ZYG11B: variants seen among roughly 807,000 people sequenced by gnomAD.
ZYG11B encodes protein zyg-11 homolog B.
In ZYG11B, 36 loss-of-function variants were observed where a neutral mutation model predicts 82.4. The observed-to-expected ratio is 0.44, with a 90% CI of 0.33 to 0.58. The LOEUF (loss-of-function observed/expected upper bound fraction) is 0.58. Ranked by LOEUF, ZYG11B falls within the 20% of genes least tolerant of loss-of-function variation. The pLI is 0.02. For synonymous variants in ZYG11B, 303 were observed against 312.8 expected (o/e 0.97, Z 0.33); for missense variants, 552 against 895.6 (o/e 0.62, Z 4.90).
intron 3 of ZYG11B, among the ~76,000 whole-genome samples, 196 bp from the exon 4 acceptor site, chr1:52,779,657 A>C (rs1644838894): frequency 6.6e-6 from 1 of 152,042 alleles, no homozygotes; most frequent in African/African-American, 2.4e-5. Flanking sequence ...TGCTTGGCTA[A>C]TTTTTTATTT....
chr1:52,783,815 C>CACACACACAT (rs1644878995), intron 4 of ZYG11B, among the ~76,000 whole-genome samples: 1 of 105,604 alleles, frequency 9.5e-6, no homozygotes, highest in African/African-American at 6.2e-5. Flanking sequence ...TACACACACA[C>CACACACACAT]GTATATGTAT....
intron 3 of ZYG11B, chr1:52,772,285 A>T (rs1644759557): frequency 1.5e-6 from 2 of 1,337,594 alleles, no homozygotes; most frequent in South Asian, 2.3e-5. Flanking sequence ...CAAACGGTGA[A>T]TCTGGCTCTC....
At chr1:52,756,719 A>G (rs545810801) in intron 2 of ZYG11B, 96 bp downstream of exon 2, 2 of 1,273,852 alleles carry the variant, frequency 1.6e-6, no homozygotes, top group East Asian at 2.5e-5. Context: ...TCTTAGAAAT[A>G]ACTGAGAAGG....
chr1:52,796,916 T>TATTATATATAATATATAATTATAC (rs1645013766), intron 8 of ZYG11B, 132 bp downstream of exon 8: 1 of 112,448 alleles, frequency 8.9e-6, no homozygotes, highest in Non-Finnish European at 1.7e-5. Flanking sequence ...ATATATTATA[T>TATTATATATAATATATAATTATAC]ATTATATATA....
chr1:52,818,301 A>G lies in ZYG11B; in HGVS notation c.2044+1672A>G, dbSNP rs1645252564. On this transcript the variant is annotated intron_variant, in intron 13 of 13. Coordinates refer to ENST00000294353, the MANE Select transcript of ZYG11B (RefSeq NM_024646.3). ...CAGCCTGGGCAACATGGCGAAACCT[A>G]GTTTCTATAAAAGATGTAAAAGAAA... Among the ~76,000 whole-genome samples, 2 of 151,910 alleles carry G rather than the reference A, an allele frequency of 1.3e-5. 1 individual carries two copies. The highest frequency in any genetic ancestry group is 4.1e-4 in the South Asian group (2 of 4,828).
chr1:52,751,356 G>A (rs61768342), intron 1 of ZYG11B, among the ~76,000 whole-genome samples: 73,404 of 148,766 alleles, frequency 0.49, 18,442 homozygotes, highest in East Asian at 0.63. Context: ...AATAGCCAGC[G>A]CGGTGGCTCA....
At position 52,827,333 on chromosome 1, in the gene ZYG11B, T is replaced by C. The variant is rs2149972678; in HGVS notation, c.*5704T>C. On this transcript the variant is annotated 3_prime_UTR_variant, in exon 14 of 14. Transcript: ENST00000294353. ...TTTTGCCTAAATAAATGTTATAAAT[T>C]TTATGTAAAGTGTGTCTTGTCTACT... 1 of 152,324 alleles carries C rather than the reference T, an allele frequency of 6.6e-6. No homozygotes were observed. The highest frequency in any genetic ancestry group is 2.1e-4 in the South Asian group (1 of 4,826). The allele number at this position is 152,324 out of a possible 1,614,324, so 9.4% of individuals were successfully genotyped here.
At chr1:52,752,217 C>T (rs1401020632) in intron 1 of ZYG11B, among the ~76,000 whole-genome samples, 2 of 151,978 alleles carry the variant, frequency 1.3e-5, no homozygotes, top group Non-Finnish European at 2.9e-5. Flanking sequence ...GATAATTTGC[C>T]AGAGTGCTCA....
intron 2 of ZYG11B, among the ~76,000 whole-genome samples, chr1:52,769,507 C>G (rs1444037889): frequency 6.6e-6 from 1 of 152,158 alleles, no homozygotes; most frequent in African/African-American, 2.4e-5. Flanking sequence ...TTTGTACCAC[C>G]TGCTTTCCAA....
chr1:52,783,882 A>ACATACACGTGTGTGTG lies in ZYG11B; in HGVS notation c.1093-995_1093-994insCATACACGTGTGTGTG, dbSNP rs1553260823. Among the ~76,000 whole-genome samples, 78 of 126,042 alleles carry ACATACACGTGTGTGTG rather than the reference A, an allele frequency of 6.2e-4. 2 individuals are homozygous for ACATACACGTGTGTGTG. Among genetic ancestry groups the ACATACACGTGTGTGTG allele is most frequent in the Middle Eastern group, 4.3e-3 (1 of 230 alleles). The allele number at this position is 126,042 out of a possible 152,430, so 82.7% of individuals were successfully genotyped here. Reference sequence around the variant, plus strand: ...TGTGTATGTACATACACGTGTGTGTATATGTACATACACGTGTGTGTATAT... The same window carrying ACATACACGTGTGTGTG: ...TGTGTATGTACATACACGTGTGTGTACATACACGTGTGTGTGTATGTACATACACGTGTGTGTATAT... On this transcript the variant is annotated intron_variant, in intron 4 of 13. Transcript: ENST00000294353.
rs539900345 is a variant in ZYG11B at position 52,753,500 on chromosome 1, A to G, written c.31-2958A>G. Among the ~76,000 whole-genome samples the G allele has an allele frequency of 2.4e-3, 369 of 151,498 alleles. 3 individuals carry two copies. The highest frequency in any genetic ancestry group is 8.5e-3 in the African/African-American group (353 of 41,288). On this transcript the variant is annotated intron_variant, in intron 1 of 13. Coordinates refer to ENST00000294353, the MANE Select transcript of ZYG11B (RefSeq NM_024646.3). Reference sequence around the variant, plus strand: ...AATGGCGTGATCTTGGCTTATTGCAATCTCCACCTCCCAGGTTCAAGCAAT... The same window carrying G: ...AATGGCGTGATCTTGGCTTATTGCAGTCTCCACCTCCCAGGTTCAAGCAAT...
intron 1 of ZYG11B, among the ~76,000 whole-genome samples, chr1:52,746,114 C>T (rs572453367): frequency 2.0e-5 from 3 of 152,024 alleles, no homozygotes; most frequent in Non-Finnish European, 4.4e-5. Flanking sequence ...CGTGCCACCA[C>T]GCCCAGCTAA....
chr1:52,729,613 G>A (rs2149915685), intron 1 of ZYG11B, among the ~76,000 whole-genome samples: 1 of 152,274 alleles, frequency 6.6e-6, no homozygotes, highest in East Asian at 1.9e-4. Context: ...TTGAATAGTT[G>A]AGATGTTTAA....
At chr1:52,779,068 A>T (rs1360944006) in intron 3 of ZYG11B, among the ~76,000 whole-genome samples, 1 of 152,204 alleles carries the variant, frequency 6.6e-6, no homozygotes, top group African/African-American at 2.4e-5. Flanking sequence ...AAGTGTCCTT[A>T]ACTTGAATAA....
intron 2 of ZYG11B, among the ~76,000 whole-genome samples, chr1:52,767,587 G>T (rs543085624): frequency 1.3e-5 from 2 of 152,288 alleles, no homozygotes; most frequent in Admixed American, 6.5e-5. Context: ...ACAGGTGTGA[G>T]CCACTATGCC....
At position 52,783,873 on chromosome 1, in the gene ZYG11B, C is replaced by CGT. The variant is rs1361010950; in HGVS notation, c.1093-997_1093-996dup. Among the ~76,000 whole-genome samples, 168 of 99,798 alleles carry CGT rather than the reference C, an allele frequency of 1.7e-3. 6 individuals are homozygous for CGT. The highest frequency in any genetic ancestry group is 3.5e-3 in the East Asian group (9 of 2,556). 65.5% of individuals were successfully genotyped at this position (99,798 alleles called of 152,430 possible). On this transcript the variant is annotated intron_variant, in intron 4 of 13. Coordinates refer to ENST00000294353, the MANE Select transcript of ZYG11B (RefSeq NM_024646.3). ...ACACGTGTGTGTGTATGTACATACACGTGTGTGTATATGTACATACACGTG... is the reference window on the plus strand; with the variant it reads ...ACACGTGTGTGTGTATGTACATACACGTGTGTGTGTATATGTACATACACGTG...
intron 4 of ZYG11B, among the ~76,000 whole-genome samples, chr1:52,783,981 C>T (rs1235399247): frequency 4.2e-5 from 2 of 47,774 alleles, no homozygotes; most frequent in Non-Finnish European, 6.9e-5. Flanking sequence ...TACACACACA[C>T]ACACATATAT....
At chr1:52,803,329 T>G (rs2149960574) in intron 10 of ZYG11B, among the ~76,000 whole-genome samples, 1 of 135,546 alleles carries the variant, frequency 7.4e-6, no homozygotes, top group African/African-American at 2.7e-5. Flanking sequence ...CCCATCTACT[T>G]GGGAGGCTGA....
At position 52,734,643 on chromosome 1, in the gene ZYG11B, T is replaced by C. The variant is rs1571738124; in HGVS notation, c.30+7960T>C. 3.3e-5 allele frequency among the ~76,000 whole-genome samples: 5 copies of C among 149,920 alleles called. No homozygotes were observed. The East Asian group carries it at 8.0e-4, about 24-fold the overall frequency. On this transcript the variant is annotated intron_variant, in intron 1 of 13. Coordinates refer to ENST00000294353, the MANE Select transcript of ZYG11B (RefSeq NM_024646.3). ...CCAGCCTGGGCAACAAGAGTGAAAC[T>C]CTGGCTCCAAAAAAAAAAAAAGTGA...
Sources: allele counts gnomAD v4.1 joint callset (sites outside exome capture counted in the v4.1 genomes callset), GRCh38; gene constraint gnomAD v4.1.1; transcripts MANE v1.5; gene names NCBI Gene and HGNC (gene_info 2026-07-23, HGNC 2026-07-21).